Variants in MDM2 observed in about 807,000 individuals in gnomAD.
The protein encoded by MDM2 is E3 ubiquitin-protein ligase Mdm2.
In MDM2, 11 loss-of-function variants were observed where a neutral mutation model predicts 64.3. The ratio of observed to expected loss-of-function variants is 0.17; its 90% CI spans 0.11 to 0.28. MDM2 has a LOEUF of 0.28. Ranked by LOEUF, MDM2 falls within the 10% of genes least tolerant of loss-of-function variation. The pLI is 1.00. For synonymous variants in MDM2, 194 were observed against 192.9 expected (o/e 1.01, Z -0.05); for missense variants, 388 against 577.1 (o/e 0.67, Z 3.36).
rs2136177065 is a variant in MDM2, at chr12:68,839,314, C to T, written c.959C>T (p.Pro320Leu). 2 of 1,613,748 alleles carry T rather than the reference C, an allele frequency of 1.2e-6. No homozygotes were observed. The highest frequency in any genetic ancestry group is 1.7e-6 in the Non-Finnish European group (2 of 1,179,934). Reference sequence around the variant, plus strand: ...ACTTCATGCAATGAAATGAATCCCCCCCTTCCATCACATTGCAACAGATGT... The same window carrying T: ...ACTTCATGCAATGAAATGAATCCCCTCCTTCCATCACATTGCAACAGATGT... Reference protein sequence around the residue: ...KCTSCNEMNPPLPSHCNRCWA... With the variant: ...KCTSCNEMNPLLPSHCNRCWA... Residue 320 changes from proline (P) to leucine (L), a missense_variant, in exon 11 of 11, where the codon CCC becomes CTC. Coordinates refer to ENST00000258149, the MANE Select transcript of MDM2 (RefSeq NM_002392.6).
intron 4 of MDM2, among the ~76,000 whole-genome samples, chr12:68,818,587 C>G (rs972043633): frequency 1.4e-5 from 2 of 147,772 alleles, no homozygotes; most frequent in African/African-American, 4.9e-5. Flanking sequence ...ATATATATTA[C>G]AAATATATGT....
At chr12:68,819,174 C>G (rs61926264) in intron 4 of MDM2, among the ~76,000 whole-genome samples, 7,701 of 152,228 alleles carry the variant, frequency 0.051, 248 homozygotes, top group Non-Finnish European at 0.077. Flanking sequence ...TTGCTGTATC[C>G]TTATTCCCAA....
At chr12:68,808,663 C>T (rs1307084226) in intron 1 of MDM2, among the ~76,000 whole-genome samples, 172 bp downstream of exon 1, 1 of 148,856 alleles carries the variant, frequency 6.7e-6, no homozygotes, top group East Asian at 2.0e-4. Flanking sequence ...TTTTGTTGGA[C>T]TGGGGCTAGG....
Position 68,839,980 on chromosome 12 carries a change from A to G in MDM2, c.*131A>G, listed in dbSNP as rs1307984236. The G allele has an allele frequency of 2.4e-6, 2 of 818,662 alleles. No individual in the cohort carries two copies. The highest frequency in any genetic ancestry group is 2.7e-5 in the East Asian group (1 of 36,910). 50.7% of individuals were successfully genotyped at this position (818,662 alleles called of 1,614,324 possible). ...CACATAGATTTCTTCTCTTTAGTAT[A>G]ATTGACCTACTTTGGTAGTGGAATA... is the stretch of plus-strand genomic sequence containing the variant. On this transcript the variant is annotated 3_prime_UTR_variant, in exon 11 of 11. Transcript: ENST00000258149.
In MDM2 at chr12:68,839,274, G is replaced by T; in HGVS notation, c.919G>T (p.Asp307Tyr). ...FEEDPEISLADYWKCTSCNEM... is the reference protein window; with the variant it reads ...FEEDPEISLAYYWKCTSCNEM... Reference sequence around the variant, plus strand: ...GACTGTGTGTCTTATTTCATTGAAGGACTATTGGAAATGCACTTCATGCAA... The same window carrying T: ...GACTGTGTGTCTTATTTCATTGAAGTACTATTGGAAATGCACTTCATGCAA... Residue 307 changes from aspartate to tyrosine, a missense_variant and splice_region_variant, in exon 11 of 11, where the codon GAC becomes TAC. Asp to Tyr is a radical substitution (Grantham distance 160). Coordinates refer to ENST00000258149, the MANE Select transcript of MDM2 (RefSeq NM_002392.6). The T allele has an allele frequency of 6.2e-7, 1 of 1,610,044 alleles. No individual in the cohort carries two copies. Among genetic ancestry groups the T allele is most frequent in the Non-Finnish European group, 8.5e-7 (1 of 1,178,080 alleles).
At chr12:68,833,331 A>T in intron 8 of MDM2, among the ~76,000 whole-genome samples, 1 of 74,118 alleles carries the variant, frequency 1.3e-5, no homozygotes, top group African/African-American at 4.1e-5. Flanking sequence ...ATATAAATAT[A>T]AAAATATATA....
At chr12:68,833,147 A>T (rs7961411) in intron 8 of MDM2, among the ~76,000 whole-genome samples, 5,904 of 98,412 alleles carry the variant, frequency 0.06, 197 homozygotes, top group African/African-American at 0.14. Context: ...AAAAAAAAAA[A>T]AAATATATAT....
chr12:68,818,001 C>T (rs1881532878), intron 4 of MDM2, among the ~76,000 whole-genome samples: 1 of 151,968 alleles, frequency 6.6e-6, no homozygotes, highest in Non-Finnish European at 1.5e-5. Context: ...ACGATGTTGA[C>T]CAGGCTGGTC....
intron 4 of MDM2, among the ~76,000 whole-genome samples, chr12:68,819,812 A>G (rs1426077683): frequency 6.6e-6 from 1 of 152,222 alleles, no homozygotes; most frequent in African/African-American, 2.4e-5. Flanking sequence ...ATACGTTTTA[A>G]GATCAAGAAA....
At chr12:68,817,607 G>T (rs1881493584) in intron 4 of MDM2, among the ~76,000 whole-genome samples, 1 of 151,790 alleles carries the variant, frequency 6.6e-6, no homozygotes, top group African/African-American at 2.4e-5. Context: ...AAATTAGCTG[G>T]GTGTGGTGGT....
At chr12:68,846,857 T>C (rs1884330632), downstream of MDM2, 2 of 152,166 alleles carry the variant, frequency 1.3e-5, no homozygotes, top group African/African-American at 4.8e-5. Context: ...GAGCCTAGTA[T>C]GGGGTCTGGC....
rs780560336 is a variant in MDM2, at chr12:68,836,698, A to G, written c.867A>G (p.Ala289=). ...DEVYQVTVYQ[A]GESDTDSFEE... ...TATATCAAGTTACTGTGTATCAGGCAGGGGAGAGTGATACAGATTCATTTG... is the reference window on the plus strand; with the variant it reads ...TATATCAAGTTACTGTGTATCAGGCGGGGGAGAGTGATACAGATTCATTTG... Residue 289 remains alanine (A), a synonymous_variant, in exon 10 of 11, where the codon GCA becomes GCG. Transcript: ENST00000258149. The G allele has an allele frequency of 1.2e-6, 2 of 1,611,952 alleles. No individual in the cohort carries two copies. Among genetic ancestry groups the G allele is most frequent in the East Asian group, 4.5e-5 (2 of 44,726 alleles).
chr12:68,823,960 TGTTA>T (rs1882086399), intron 5 of MDM2, among the ~76,000 whole-genome samples: 1 of 152,168 alleles, frequency 6.6e-6, no homozygotes, highest in Non-Finnish European at 1.5e-5. Context: ...CAGGAACTGT[TGTTA>T]GTTTGCTTTT....
intron 4 of MDM2, among the ~76,000 whole-genome samples, chr12:68,817,506 T>G (rs1881483772): frequency 6.6e-6 from 1 of 152,114 alleles, no homozygotes; most frequent in Non-Finnish European, 1.5e-5. Context: ...TCCCAGCACT[T>G]TGAGAGGCCA....
At chr12:68,832,738 C>G (rs1446510416) in intron 8 of MDM2, among the ~76,000 whole-genome samples, 4 of 151,508 alleles carry the variant, frequency 2.6e-5, no homozygotes, top group African/African-American at 7.3e-5. Flanking sequence ...AGGCTGGTCT[C>G]AAACCGCTGG....
chr12:68,821,321 C>T (rs771995571), intron 5 of MDM2, among the ~76,000 whole-genome samples: 2 of 152,046 alleles, frequency 1.3e-5, no homozygotes, highest in Non-Finnish European at 2.9e-5. Flanking sequence ...CCTGGGATTA[C>T]AGGTATGAGC....
intron 3 of MDM2, chr12:68,814,464 A>G (rs1881180016): frequency 4.8e-6 from 1 of 208,422 alleles, no homozygotes; most frequent in African/African-American, 2.3e-5. Context: ...ATGAAATCAC[A>G]GGTATTAATA....
intron 8 of MDM2, among the ~76,000 whole-genome samples, chr12:68,833,149 A>AAAAAAATATATAT (rs1555187768): frequency 7.6e-5 from 5 of 65,960 alleles, no homozygotes; most frequent in African/African-American, 3.1e-4. Context: ...AAAAAAAAAA[A>AAAAAAATATATAT]ATATATATAT....
chr12:68,835,791 T>G, intron 8 of MDM2, 38 bp from the exon 9 acceptor site: 1 of 1,582,342 alleles, frequency 6.3e-7, no homozygotes, highest in Non-Finnish European at 8.6e-7. Context: ...GGTCAAGAGG[T>G]GATGTTTATT....
Sources: gnomAD v4.1 joint callset for allele counts (sites outside exome capture counted in the v4.1 genomes callset) on GRCh38, gnomAD v4.1.1 for gene constraint, MANE v1.5 for transcripts, NCBI Gene and HGNC (gene_info 2026-07-23, HGNC 2026-07-21) for gene names.